The following TMEM121 variants were observed in gnomAD, a reference collection of about 807,000 sequenced individuals.
TMEM121 encodes transmembrane protein 121A.
Under a neutral mutation model 16.4 loss-of-function variants are expected in TMEM121, and 8 were observed. The ratio of observed to expected loss-of-function variants is 0.49; its 90% confidence interval spans 0.29 to 0.88. The LOEUF is 0.88. Ranked by LOEUF, TMEM121 falls within the 40% of genes least tolerant of loss-of-function variation. TMEM121 has a pLI of 0.09. For synonymous variants in TMEM121, 235 were observed against 226.2 expected, an observed-to-expected ratio of 1.04 and a Z score of -0.35; for missense variants, 401 against 462.0, an observed-to-expected ratio of 0.87 and a Z score of 1.21.
chr14:105,529,415 T>A lies in TMEM121; in HGVS notation c.581T>A (p.Leu194Gln). The A allele has an allele frequency of 6.5e-7, 1 of 1,545,462 alleles. No individual in the cohort carries two copies. Among genetic ancestry groups the A allele is most frequent in the Non-Finnish European group, 8.7e-7 (1 of 1,146,850 alleles). ...FFYCYMLLLVLPCVALSEVSM... is the reference protein window; with the variant it reads ...FFYCYMLLLVQPCVALSEVSM... ...TACTGCTACATGCTGCTGCTGGTGCTGCCGTGCGTGGCGCTCAGCGAGGTC... is the reference window on the plus strand; with the variant it reads ...TACTGCTACATGCTGCTGCTGGTGCAGCCGTGCGTGGCGCTCAGCGAGGTC... The change falls in exon 2 of 2, where the codon CTG (leucine) becomes CAG (glutamine). Residue 194 changes from leucine (L) to glutamine (Q), a missense_variant. Transcript: ENST00000392519.
rs1206825868 is a variant in TMEM121 at position 105,529,914 on chromosome 14, G to C, written c.*120G>C. ...TCCCCTAGGGACAGGTGCCTCGAGT[G>C]CCCGTGCCTGGGGTCCCGCGGCCGC... On this transcript the variant is annotated 3_prime_UTR_variant, in exon 2 of 2. Coordinates refer to ENST00000392519, the MANE Select transcript of TMEM121 (RefSeq NM_025268.4). 1 of 1,028,732 alleles carries C rather than the reference G, an allele frequency of 9.7e-7. No homozygotes were observed. The highest frequency in any genetic ancestry group is 1.3e-6 in the Non-Finnish European group (1 of 757,802). 63.7% of individuals were successfully genotyped at this position (1,028,732 alleles called of 1,614,324 possible). A position where few individuals can be genotyped will look rare whatever the true frequency, so the allele number is the denominator to read the frequency against.
intron 1 of TMEM121, among the ~76,000 whole-genome samples, chr14:105,527,753 G>T (rs1017961130): frequency 3.3e-5 from 5 of 151,990 alleles, no homozygotes; most frequent in Non-Finnish European, 7.4e-5. Context: ...TGGGGCTGTG[G>T]AGGGGGTGAG....
rs2084631478 is a variant in TMEM121 at position 105,530,031 on chromosome 14, C to CCGGAG, written c.*239_*243dup. ...CGTGGGTCTGTTTGGGAGGCCTGGG[C>CCGGAG]CGGAGCAGAGCAGAGGTGATCCGGC... On this transcript the variant is annotated 3_prime_UTR_variant, in exon 2 of 2. Transcript: ENST00000392519. 2.0e-6 allele frequency: 1 copy of CCGGAG among 500,676 alleles called. No homozygotes were observed. The highest frequency in any genetic ancestry group is 2.1e-5 in the African/African-American group (1 of 48,376). The allele number at this position is 500,676 out of a possible 1,614,324, so 31.0% of individuals were successfully genotyped here.
chr14:105,527,506 A>C (rs2084598113), intron 1 of TMEM121: 1 of 151,612 alleles, frequency 6.6e-6, no homozygotes, highest in Non-Finnish European at 1.5e-5. Flanking sequence ...GAGGACCCTC[A>C]AGGCACCCTC....
chr14:105,528,720 A>C lies in TMEM121; in HGVS notation c.-113-2A>C. The C allele has an allele frequency of 9.8e-7, 1 of 1,023,734 alleles. No individual in the cohort carries two copies. The highest frequency in any genetic ancestry group is 1.2e-6 in the Non-Finnish European group (1 of 828,020). 63.4% of individuals were successfully genotyped at this position (1,023,734 alleles called of 1,614,324 possible). On this transcript the variant is annotated splice_acceptor_variant, in intron 1 of 1. Coordinates refer to ENST00000392519, the MANE Select transcript of TMEM121 (RefSeq NM_025268.4). LOFTEE classifies it low-confidence loss of function (5UTR_SPLICE). Reference sequence around the variant, plus strand: ...TGATCTTGTCTCCTCCGGTCTCCCCAGGTTTCGAGCTCGCCGGGCCGTGTC... The same window carrying C: ...TGATCTTGTCTCCTCCGGTCTCCCCCGGTTTCGAGCTCGCCGGGCCGTGTC...
At position 105,529,095 on chromosome 14, in the gene TMEM121, G is replaced by C; in HGVS notation, c.261G>C (p.Glu87Asp). 1 of 1,611,710 alleles carries C rather than the reference G, an allele frequency of 6.2e-7. No homozygotes were observed. Among genetic ancestry groups the C allele is most frequent in the Non-Finnish European group, 8.5e-7 (1 of 1,179,772 alleles). Residue 87 changes from glutamate to aspartate, a missense_variant, in exon 2 of 2, where the codon GAG becomes GAC. Physicochemically the swap from Glu to Asp is conservative, Grantham distance 45. Transcript: ENST00000392519. Reference protein sequence around the residue: ...ILWFLYIFVLEIKLYFIFQNY... With the variant: ...ILWFLYIFVLDIKLYFIFQNY... ...GGTTCCTTTACATCTTCGTGCTGGA[G>C]ATCAAGCTCTACTTCATCTTCCAGA...
intron 1 of TMEM121, among the ~76,000 whole-genome samples, chr14:105,527,767 C>T (rs587602136): frequency 6.6e-6 from 1 of 151,924 alleles, no homozygotes; most frequent in South Asian, 2.1e-4. Context: ...GGGTGAGGGG[C>T]TGGCTGGGAG....
In TMEM121 at chr14:105,529,826, G is replaced by C; in HGVS notation, c.*32G>C. 7.2e-7 allele frequency: 1 copy of C among 1,384,296 alleles called. No homozygotes were observed. 85.8% of individuals were successfully genotyped at this position (1,384,296 alleles called of 1,614,324 possible). On this transcript the variant is annotated 3_prime_UTR_variant, in exon 2 of 2. Coordinates refer to ENST00000392519, the MANE Select transcript of TMEM121 (RefSeq NM_025268.4). Reference sequence around the variant, plus strand: ...CCGCGCGGCCCCCGACACGCCCCTGGGGCGCAGAGACACCGGGTTGGCTTG... The same window carrying C: ...CCGCGCGGCCCCCGACACGCCCCTGCGGCGCAGAGACACCGGGTTGGCTTG...
At position 105,528,131 on chromosome 14, in the gene TMEM121, C is replaced by G. The variant is rs963485854; in HGVS notation, c.-113-591C>G. Among the ~76,000 whole-genome samples the G allele has an allele frequency of 1.1e-4, 16 of 151,628 alleles. 1 individual carries two copies. Among genetic ancestry groups the G allele is most frequent in the Middle Eastern group, 3.4e-3 (1 of 294 alleles). On this transcript the variant is annotated intron_variant, in intron 1 of 1. Coordinates refer to ENST00000392519, the MANE Select transcript of TMEM121 (RefSeq NM_025268.4). The stretch of plus-strand genomic sequence containing the variant: ...GACAGGAGGGGAGACCGAGCCTGCC[C>G]GTGCAGGGAGGAGGGGCGTGGGGGC...
intron 1 of TMEM121, among the ~76,000 whole-genome samples, chr14:105,527,725 T>A (rs1555443975): frequency 6.6e-6 from 1 of 151,228 alleles, no homozygotes; most frequent in Admixed American, 6.6e-5. Flanking sequence ...GACACGGCAG[T>A]AAACGGAGCC....
chr14:105,529,743 G>T lies in TMEM121; in HGVS notation c.909G>T (p.Pro303=), dbSNP rs1375859559. 1 of 1,506,638 alleles carries T rather than the reference G, an allele frequency of 6.6e-7. No individual in the cohort carries two copies. Among genetic ancestry groups the T allele is most frequent in the South Asian group, 1.3e-5 (1 of 79,046 alleles). 93.3% of individuals were successfully genotyped at this position (1,506,638 alleles called of 1,614,324 possible). The change falls in exon 2 of 2, where the codon CCG becomes CCT. Residue 303 remains proline, a synonymous_variant. Coordinates refer to ENST00000392519, the MANE Select transcript of TMEM121 (RefSeq NM_025268.4). ...CGCCGCCGCCGCCGCTGCACGGCCC[G>T]CCTGGGCGCCCCCACATGTCCTCGC... ...VPPPPPPLHG[P]PGRPHMSSPT...
In TMEM121 at chr14:105,529,930, C is replaced by A; in HGVS notation, c.*136C>A. The A allele has an allele frequency of 1.2e-6, 1 of 859,802 alleles. No individual in the cohort carries two copies. The highest frequency in any genetic ancestry group is 2.5e-5 in the South Asian group (1 of 39,766). The allele number at this position is 859,802 out of a possible 1,614,324, so 53.3% of individuals were successfully genotyped here. A position where few individuals can be genotyped will look rare whatever the true frequency, so the allele number is the denominator to read the frequency against. ...GCCTCGAGTGCCCGTGCCTGGGGTC[C>A]CGCGGCCGCTTCTTCATCTCAGGAA... is the stretch of plus-strand genomic sequence containing the variant. On this transcript the variant is annotated 3_prime_UTR_variant, in exon 2 of 2. Coordinates refer to ENST00000392519, the MANE Select transcript of TMEM121 (RefSeq NM_025268.4).
At position 105,528,059 on chromosome 14, in the gene TMEM121, G is replaced by A. The variant is rs587697066; in HGVS notation, c.-113-663G>A. 9.4e-4 allele frequency among the ~76,000 whole-genome samples: 143 copies of A among 151,992 alleles called. 1 individual carries two copies. Among genetic ancestry groups the A allele is most frequent in the Admixed American group, 1.5e-3 (23 of 15,298 alleles). On this transcript the variant is annotated intron_variant, in intron 1 of 1. Transcript: ENST00000392519. ...GACAACACCTCGCCAAGGCAATGCG[G>A]AGCCATGGGGAGCAGGGCAGGCAGT...
Position 105,529,723 on chromosome 14 carries a change from C to T in TMEM121, c.889C>T (p.Pro297Ser). The change falls in exon 2 of 2, where the codon CCG (proline) becomes TCG (serine). Residue 297 changes from proline to serine, a missense_variant. Transcript: ENST00000392519. ...GCAGCGCAACTCGGTGCCGCCGCCGCCGCCGCCGCTGCACGGCCCGCCTGG... is the reference window on the plus strand; with the variant it reads ...GCAGCGCAACTCGGTGCCGCCGCCGTCGCCGCCGCTGCACGGCCCGCCTGG... ...PPQRNSVPPP[P>S]PPLHGPPGRP... 4 of 1,528,280 alleles carry T rather than the reference C, an allele frequency of 2.6e-6. No individual in the cohort carries two copies. The highest frequency in any genetic ancestry group is 3.5e-6 in the Non-Finnish European group (4 of 1,143,350). The allele number at this position is 1,528,280 out of a possible 1,614,324, so 94.7% of individuals were successfully genotyped here.
chr14:105,529,661 C>A lies in TMEM121; in HGVS notation c.827C>A (p.Pro276Gln). The change falls in exon 2 of 2, where the codon CCG (proline) becomes CAG (glutamine). Residue 276 changes from proline (P) to glutamine (Q), a missense_variant. Transcript: ENST00000392519. ...EYRRQVRDFP[P>Q]PALSLELQPP... ...CGCCGCCAGGTGCGCGACTTCCCGC[C>A]GCCTGCGCTATCACTGGAGCTGCAG... The A allele has an allele frequency of 6.4e-7, 1 of 1,573,342 alleles. No individual in the cohort carries two copies.
In TMEM121 at chr14:105,526,872, G is replaced by T. The variant is rs2084592177; in HGVS notation, c.-114+219G>T. On this transcript the variant is annotated intron_variant, in intron 1 of 1. Coordinates refer to ENST00000392519, the MANE Select transcript of TMEM121 (RefSeq NM_025268.4). This position sits in a 1 kb window ranked among gnomAD's most constrained non-coding sequence, Gnocchi z 6.8. ...AGCAGAGACGCAGCCTGCTGGGAGC[G>T]GCCCAAGCTCTGCACCGGCCCGCGG... 6.6e-6 allele frequency among the ~76,000 whole-genome samples: 1 copy of T among 151,902 alleles called. No homozygotes were observed. The highest frequency in any genetic ancestry group is 2.4e-5 in the African/African-American group (1 of 41,344).
In TMEM121 at chr14:105,529,578, C is replaced by T. The variant is rs1555444306; in HGVS notation, c.744C>T (p.Ile248=). The T allele has an allele frequency of 3.8e-6, 6 of 1,562,038 alleles. No homozygotes were observed. In the African/African-American group the frequency reaches 8.1e-5, roughly 21 times the overall value. Residue 248 remains isoleucine (I), a synonymous_variant, in exon 2 of 2, where the codon ATC becomes ATT. Transcript: ENST00000392519. ...TCCGGGACAGCCGTGTCTCGGCCAT[C>T]TTCGTCGGCAAAAACGTGGTGGCGC... The part of the protein sequence containing the change: ...ALFRDSRVSA[I]FVGKNVVALA...
Position 105,529,606 on chromosome 14 carries a change from G to A in TMEM121, c.772G>A (p.Ala258Thr), listed in dbSNP as rs1555444310. Reference protein sequence around the residue: ...IFVGKNVVALATKACTFLEYR... With the variant: ...IFVGKNVVALTTKACTFLEYR... Reference sequence around the variant, plus strand: ...CGTCGGCAAAAACGTGGTGGCGCTCGCCACCAAGGCCTGCACCTTCCTGGA... The same window carrying A: ...CGTCGGCAAAAACGTGGTGGCGCTCACCACCAAGGCCTGCACCTTCCTGGA... The change falls in exon 2 of 2, where the codon GCC becomes ACC. Residue 258 changes from alanine to threonine, a missense_variant. Physicochemically the swap from Ala to Thr is moderately conservative, Grantham distance 58. Transcript: ENST00000392519. 6 of 1,575,446 alleles carry A rather than the reference G, an allele frequency of 3.8e-6. No individual in the cohort carries two copies. The highest frequency in any genetic ancestry group is 1.8e-5 in the Admixed American group (1 of 56,436).
At position 105,528,953 on chromosome 14, in the gene TMEM121, G is replaced by C; in HGVS notation, c.119G>C (p.Gly40Ala). 1 of 1,608,616 alleles carries C rather than the reference G, an allele frequency of 6.2e-7. No homozygotes were observed. The highest frequency in any genetic ancestry group is 8.5e-7 in the Non-Finnish European group (1 of 1,177,858). Reference protein sequence around the residue: ...VEQNQGPRKIGVCIIVLVGDV... With the variant: ...VEQNQGPRKIAVCIIVLVGDV... ...CAGAACCAGGGCCCGCGCAAGATCGGCGTGTGCATCATCGTGCTGGTGGGC... is the reference window on the plus strand; with the variant it reads ...CAGAACCAGGGCCCGCGCAAGATCGCCGTGTGCATCATCGTGCTGGTGGGC... Residue 40 changes from glycine to alanine, a missense_variant, in exon 2 of 2, where the codon GGC (glycine) becomes GCC (alanine). By Grantham distance (60) the Gly-to-Ala change is moderately conservative. Transcript: ENST00000392519.
Sources: gnomAD v4.1 joint callset for allele counts (sites outside exome capture counted in the v4.1 genomes callset) on GRCh38, gnomAD v4.1.1 for gene constraint, Gnocchi (gnomAD v3.1) non-coding constraint, MANE v1.5 for transcripts, NCBI Gene and HGNC (gene_info 2026-07-23, HGNC 2026-07-21) for gene names.